TBC1D5: variants seen among roughly 807,000 people sequenced by gnomAD.
TBC1D5 encodes TBC1 domain family, member 5.
TBC1D5 carries 75 observed loss-of-function variants against 100.3 expected under a neutral mutation model. The ratio of observed to expected loss-of-function variants is 0.75; its 90% CI spans 0.62 to 0.91. The LOEUF is 0.91. Ranked by LOEUF, TBC1D5 falls within the 40% of genes least tolerant of loss-of-function variation. The pLI, the probability that TBC1D5 is intolerant of heterozygous loss-of-function variation, is 0.00. For synonymous variants in TBC1D5, 323 were observed against 325.6 expected, an observed-to-expected ratio of 0.99 and a Z score of 0.09; for missense variants, 910 against 942.4, an observed-to-expected ratio of 0.97 and a Z score of 0.45.
At chr3:17,467,917 A>T (rs1285774884) in intron 3 of TBC1D5, among the ~76,000 whole-genome samples, 1 of 152,144 alleles carries the variant, frequency 6.6e-6, no homozygotes, top group African/African-American at 2.4e-5. Flanking sequence ...CCCTTCCCCC[A>T]AATATCTTCA....
chr3:17,376,062 T>C (rs999571465), intron 10 of TBC1D5, among the ~76,000 whole-genome samples: 1 of 152,122 alleles, frequency 6.6e-6, no homozygotes, highest in Non-Finnish European at 1.5e-5. Context: ...TCTAAAAAAT[T>C]TGAGAAGCAA....
intron 2 of TBC1D5, among the ~76,000 whole-genome samples, chr3:17,539,045 TG>T (rs2096317779): frequency 2.6e-5 from 4 of 152,094 alleles, no homozygotes; most frequent in African/African-American, 7.2e-5. Flanking sequence ...TAGCCAGGCA[TG>T]ATGGTGCATG....
At chr3:17,713,448 TA>T (rs2074947330) in intron 1 of TBC1D5, among the ~76,000 whole-genome samples, 1 of 152,102 alleles carries the variant, frequency 6.6e-6, no homozygotes, top group South Asian at 2.1e-4. Flanking sequence ...TTCACCATGT[TA>T]ACCAGGATGG....
chr3:17,706,364 GCTAAT>G, intron 1 of TBC1D5: 3 of 1,191,216 alleles, frequency 2.5e-6, no homozygotes, highest in Non-Finnish European at 3.4e-6. Context: ...TTGAAGGAAA[GCTAAT>G]CTAATAAATT....
At chr3:17,222,200 G>A (rs2074364417) in intron 17 of TBC1D5, among the ~76,000 whole-genome samples, 1 of 152,046 alleles carries the variant, frequency 6.6e-6, no homozygotes, top group South Asian at 2.1e-4. Flanking sequence ...TGTATGTTTA[G>A]ATATTTTACA....
chr3:17,239,125 G>A (rs763478799), intron 16 of TBC1D5, among the ~76,000 whole-genome samples: 2 of 151,992 alleles, frequency 1.3e-5, no homozygotes, highest in African/African-American at 2.4e-5. Flanking sequence ...TCAAATACAA[G>A]TTTCATGAGG....
intron 1 of TBC1D5, among the ~76,000 whole-genome samples, chr3:17,626,426 A>G (rs1203447546): frequency 6.6e-6 from 1 of 152,228 alleles, no homozygotes; most frequent in African/African-American, 2.4e-5. Flanking sequence ...AATGAACTGT[A>G]CATGGCTAAG....
At chr3:17,548,986 C>G (rs1031310299) in intron 2 of TBC1D5, among the ~76,000 whole-genome samples, 5 of 152,124 alleles carry the variant, frequency 3.3e-5, no homozygotes, top group Non-Finnish European at 5.9e-5. Context: ...TAAACTACTT[C>G]CAACAATCTT....
At chr3:17,184,387 C>T (rs1274147821) in intron 19 of TBC1D5, among the ~76,000 whole-genome samples, 1 of 152,154 alleles carries the variant, frequency 6.6e-6, no homozygotes, top group Non-Finnish European at 1.5e-5. Flanking sequence ...TGATTACTGA[C>T]AGGTTGGCAC....
intron 2 of TBC1D5, among the ~76,000 whole-genome samples, chr3:17,546,504 C>T (rs1284047534): frequency 6.6e-6 from 1 of 152,030 alleles, no homozygotes; most frequent in African/African-American, 2.4e-5. Context: ...TGGCTCACAT[C>T]TGTAATGCTA....
chr3:17,513,795 T>A (rs2095944958), intron 2 of TBC1D5, among the ~76,000 whole-genome samples: 1 of 152,192 alleles, frequency 6.6e-6, no homozygotes, highest in African/African-American at 2.4e-5. Flanking sequence ...AATAAGTATG[T>A]GTTCTAGGTA....
chr3:17,262,098 G>A (rs938045955), intron 15 of TBC1D5, among the ~76,000 whole-genome samples: 4 of 152,000 alleles, frequency 2.6e-5, no homozygotes, highest in Admixed American at 6.6e-5. Context: ...TTAATGATGG[G>A]GATACGTCCT....
chr3:17,418,791 C>T (rs1031961975), intron 4 of TBC1D5, among the ~76,000 whole-genome samples: 2 of 152,146 alleles, frequency 1.3e-5, no homozygotes, highest in African/African-American at 4.8e-5. Flanking sequence ...TCACTGATGA[C>T]TAAGTTCAAA....
At chr3:17,367,051 C>A (rs2092181457) in intron 13 of TBC1D5, among the ~76,000 whole-genome samples, 2 of 152,096 alleles carry the variant, frequency 1.3e-5, no homozygotes, top group Admixed American at 6.6e-5. Flanking sequence ...AGGGTCTTTC[C>A]TCAAAAGTGA....
chr3:17,694,722 A>T (rs1393934836), intron 1 of TBC1D5, among the ~76,000 whole-genome samples: 1 of 152,210 alleles, frequency 6.6e-6, no homozygotes, highest in Non-Finnish European at 1.5e-5. Context: ...GCAGGCCAAC[A>T]TTCAAATTCA....
chr3:17,730,664 A>C (rs2153985014), intron 1 of TBC1D5, among the ~76,000 whole-genome samples: 1 of 152,334 alleles, frequency 6.6e-6, no homozygotes, highest in African/African-American at 2.4e-5. Flanking sequence ...ATCATGAGTA[A>C]ATAAATATTA....
At chr3:17,347,005 C>G (rs530120986) in intron 13 of TBC1D5, among the ~76,000 whole-genome samples, 5 of 152,130 alleles carry the variant, frequency 3.3e-5, no homozygotes, top group East Asian at 3.8e-4. Flanking sequence ...ACTGTGTTAG[C>G]TGACATTGTA....
chr3:17,466,766 C>CT (rs140218778), intron 3 of TBC1D5, among the ~76,000 whole-genome samples: 13,149 of 147,956 alleles, frequency 0.089, 1,246 homozygotes, highest in African/African-American at 0.24. Context: ...TGCAAAATTA[C>CT]TTTTTTTTTT....
chr3:17,690,697 A>G (rs2071020983), intron 1 of TBC1D5, among the ~76,000 whole-genome samples: 1 of 152,156 alleles, frequency 6.6e-6, no homozygotes, highest in Non-Finnish European at 1.5e-5. Context: ...TGTGAACTGT[A>G]CATGTGAGCG....
Sources: allele counts gnomAD v4.1 joint callset (sites outside exome capture counted in the v4.1 genomes callset), GRCh38; gene constraint gnomAD v4.1.1; transcripts MANE v1.5; gene names NCBI Gene and HGNC (gene_info 2026-07-23, HGNC 2026-07-21).